Variants in PRKAR1A observed in about 807,000 individuals in gnomAD.
The protein encoded by PRKAR1A is cAMP-dependent protein kinase type I-alpha regulatory subunit.
A neutral mutation model predicts 52.0 loss-of-function variants in PRKAR1A; 3 were observed. The ratio of observed to expected loss-of-function variants is 0.06; its 90% CI spans 0.03 to 0.15. The LOEUF is 0.15. PRKAR1A is among the 10% of genes least tolerant of loss of function. The pLI is 1.00. For synonymous variants in PRKAR1A, 188 were observed against 168.4 expected (o/e 1.12, Z -0.90); for missense variants, 240 against 477.4 (o/e 0.50, Z 4.63).
chr17:68,546,829 CAAAAAA>C, intron 11 of PRKAR1A, among the ~76,000 whole-genome samples: 1 of 84,008 alleles, frequency 1.2e-5, no homozygotes, highest in Admixed American at 1.3e-4. Context: ...GACTACGGCT[CAAAAAA>C]AAAAAAAAAA....
chr17:68,474,739 C>T, the PRKAR1A span, among the ~76,000 whole-genome samples: 3 of 152,014 alleles, frequency 2.0e-5, no homozygotes, highest in Non-Finnish European at 4.4e-5. Context: ...ACTAAAAATA[C>T]AAAAAATTAG....
At chr17:68,424,491 T>C in the PRKAR1A span, 1 of 534,540 alleles carries the variant, frequency 1.9e-6, no homozygotes, top group Non-Finnish European at 3.8e-6. Flanking sequence ...TCAGGAGAAG[T>C]TTCCATAACA....
chr17:68,513,912 G>C (rs774224492), intron 1 of PRKAR1A, among the ~76,000 whole-genome samples: 69 of 152,102 alleles, frequency 4.5e-4, no homozygotes, highest in Admixed American at 2.0e-4. Context: ...ACAATGCTTT[G>C]AAGCATGAAA....
At chr17:68,518,079 C>G (rs1252900005) in intron 2 of PRKAR1A, among the ~76,000 whole-genome samples, 1 of 152,240 alleles carries the variant, frequency 6.6e-6, no homozygotes, top group African/African-American at 2.4e-5. Context: ...GGTGGGCTCC[C>G]GTGGCCTTGG....
In PRKAR1A at chr17:68,520,937, ATTTTAT is replaced by A. The variant is rs2085584898; in HGVS notation, c.178-1811_178-1806del. On this transcript the variant is annotated intron_variant, in intron 2 of 10. Transcript: ENST00000589228. The stretch of plus-strand genomic sequence containing the variant: ...TACTCTTAAACTGTGTGTGTGTTTT[ATTTTAT>A]TTTTATTATTATTTTTTTGAGACAG... Among the ~76,000 whole-genome samples, 3 of 151,994 alleles carry A rather than the reference ATTTTAT, an allele frequency of 2.0e-5. No homozygotes were observed. In the South Asian group the frequency reaches 6.2e-4, roughly 32 times the overall value.
chr17:68,436,505 G>A, the PRKAR1A span: 33 of 1,606,090 alleles, frequency 2.1e-5, no homozygotes, highest in African/African-American at 2.7e-5. Flanking sequence ...CAGAACATGA[G>A]AAGCCTGGGG....
chr17:68,534,526 GAAT>G (rs1338604634), downstream of PRKAR1A, among the ~76,000 whole-genome samples: 1 of 148,770 alleles, frequency 6.7e-6, no homozygotes, highest in Non-Finnish European at 1.5e-5. Context: ...TTCATACTGT[GAAT>G]AAGTGTCCTT....
At chr17:68,466,560 T>C in the PRKAR1A span, among the ~76,000 whole-genome samples, 3 of 151,508 alleles carry the variant, frequency 2.0e-5, no homozygotes, top group East Asian at 5.9e-4. Context: ...TACAGACACC[T>C]GCCACCACAC....
chr17:68,517,091 A>G (rs1200227084), intron 2 of PRKAR1A, among the ~76,000 whole-genome samples: 1 of 152,262 alleles, frequency 6.6e-6, no homozygotes, highest in Non-Finnish European at 1.5e-5. Flanking sequence ...AAAGCAATAA[A>G]TAATTATTAA....
chr17:68,436,648 A>G, the PRKAR1A span, among the ~76,000 whole-genome samples: 3 of 152,216 alleles, frequency 2.0e-5, no homozygotes, highest in African/African-American at 7.2e-5. Flanking sequence ...AAGGCTTCCA[A>G]TAAAGCAACT....
Position 68,539,133 on chromosome 17 carries a change from T to C in PRKAR1A, c.973+9132T>C, listed in dbSNP as rs561688636. On this transcript the variant is annotated intron_variant, in intron 11 of 11. Coordinates refer to the PRKAR1A transcript ENST00000585981. ...TAAAAATACCATATTATTAATCTTA[T>C]GAGACCACCGTCATATATGCAGTCT... Among the ~76,000 whole-genome samples, 11 of 152,304 alleles carry C rather than the reference T, an allele frequency of 7.2e-5. No homozygotes were observed. The East Asian group carries it at 1.9e-3, about 27-fold the overall frequency.
At chr17:68,509,597 C>T (rs77399954), upstream of PRKAR1A, among the ~76,000 whole-genome samples, 1,359 of 152,322 alleles carry the variant, frequency 8.9e-3, 30 homozygotes, top group African/African-American at 0.031. Flanking sequence ...GGAAACCATA[C>T]AGAAACTACA....
At position 68,533,281 on chromosome 17, in the gene PRKAR1A, G is replaced by T; in HGVS notation, c.*2832G>T. ...GTGTATTGGTATTTCTTCACATCCA[G>T]TGAAATTGGAGATATGTTGTATGTT... is the stretch of plus-strand genomic sequence containing the variant. On this transcript the variant is annotated 3_prime_UTR_variant, in exon 11 of 11. Coordinates refer to ENST00000589228, the MANE Select transcript of PRKAR1A (RefSeq NM_002734.5). The T allele has an allele frequency of 1.9e-6, 2 of 1,064,072 alleles. No homozygotes were observed. The highest frequency in any genetic ancestry group is 2.3e-6 in the Non-Finnish European group (2 of 878,390). 65.9% of individuals were successfully genotyped at this position (1,064,072 alleles called of 1,614,324 possible). A position where few individuals can be genotyped will look rare whatever the true frequency, so the allele number is the denominator to read the frequency against.
the PRKAR1A span, among the ~76,000 whole-genome samples, chr17:68,425,377 CTTTTCTTT>C: frequency 4.3e-5 from 5 of 117,110 alleles, no homozygotes; most frequent in Non-Finnish European, 8.3e-5. Flanking sequence ...CTAATTTTTT[CTTTTCTTT>C]TTTTTTTTTT....
chr17:68,462,915 G>T, the PRKAR1A span, among the ~76,000 whole-genome samples: 1 of 152,176 alleles, frequency 6.6e-6, no homozygotes, highest in African/African-American at 2.4e-5. Flanking sequence ...CATTTACCAA[G>T]GGTACATCTA....
At chr17:68,486,526 TTTCTTTCTTTC>T in the PRKAR1A span, among the ~76,000 whole-genome samples, 3 of 106,092 alleles carry the variant, frequency 2.8e-5, no homozygotes, top group African/African-American at 1.0e-4. Context: ...TCTTTCTTTC[TTTCTTTCTTTC>T]TTTCTTTCTT....
downstream of PRKAR1A, chr17:68,537,677 C>T: frequency 2.5e-6 from 4 of 1,613,770 alleles, no homozygotes; most frequent in Non-Finnish European, 3.4e-6. This position sits in a 1 kb window ranked among gnomAD's most constrained non-coding sequence, Gnocchi z 4.2. Flanking sequence ...TCTCGCATCA[C>T]ATCGCTGAGT....
chr17:68,514,504 T>G (rs1446943912), intron 1 of PRKAR1A, among the ~76,000 whole-genome samples: 1 of 152,236 alleles, frequency 6.6e-6, no homozygotes, highest in Non-Finnish European at 1.5e-5. Context: ...TCTGTTTGCT[T>G]TACTTTACAT....
chr17:68,537,569 ACCCCTCCAC>A (rs1568715577), downstream of PRKAR1A: 1 of 1,612,852 alleles, frequency 6.2e-7, no homozygotes, highest in Non-Finnish European at 8.5e-7. This position sits in a 1 kb window ranked among gnomAD's most constrained non-coding sequence, Gnocchi z 4.2. Context: ...GCCACTATGC[ACCCCTCCAC>A]TGTCCTTAGG....
Sources: allele counts gnomAD v4.1 joint callset (sites outside exome capture counted in the v4.1 genomes callset), GRCh38; gene constraint gnomAD v4.1.1; non-coding constraint Gnocchi (gnomAD v3.1); transcripts MANE v1.5; gene names NCBI Gene and HGNC (gene_info 2026-07-23, HGNC 2026-07-21).